Variants in ASTN2 observed in about 807,000 individuals in gnomAD.
ASTN2 encodes the protein astrotactin-2.
A neutral mutation model predicts 139.8 loss-of-function variants in ASTN2; 54 were observed. The observed-to-expected ratio is 0.39, with a 90% confidence interval of 0.31 to 0.48. ASTN2 has a LOEUF of 0.48. Among genes scored for constraint, ASTN2 ranks in the 20% least tolerant of loss-of-function variants. The pLI, the probability that ASTN2 is intolerant of heterozygous loss-of-function variation, is 0.95. For missense variants in ASTN2, 1,565 were observed against 1,725.1 expected (o/e 0.91, Z 1.64); for synonymous variants, 756 against 719.5 (o/e 1.05, Z -0.81).
intron 13 of ASTN2, among the ~76,000 whole-genome samples, chr9:116,772,351 C>G (rs1452780363): frequency 6.6e-6 from 1 of 152,184 alleles, no homozygotes; most frequent in Non-Finnish European, 1.5e-5. Flanking sequence ...TTCCCCTGCA[C>G]ACGCTCTCTT....
intron 1 of ASTN2, among the ~76,000 whole-genome samples, chr9:117,306,300 C>G (rs1321642504): frequency 2.0e-5 from 3 of 152,144 alleles, no homozygotes; most frequent in African/African-American, 4.8e-5. Flanking sequence ...TTTCCTGGGT[C>G]TCCACTTCTC....
At chr9:117,128,257 C>T (rs1327086066) in intron 4 of ASTN2, among the ~76,000 whole-genome samples, 1 of 151,308 alleles carries the variant, frequency 6.6e-6, no homozygotes, top group Non-Finnish European at 1.5e-5. Context: ...GCCTGTAGTC[C>T]CAGCTACTCA....
intron 12 of ASTN2, among the ~76,000 whole-genome samples, chr9:116,816,154 A>C (rs62575391): frequency 0.16 from 23,834 of 152,142 alleles, 2,198 homozygotes; most frequent in East Asian, 0.39. Flanking sequence ...CCTTTTAAAA[A>C]TATATTGTCT....
chr9:116,689,684 G>A (rs1168613345), intron 16 of ASTN2, among the ~76,000 whole-genome samples: 1 of 152,180 alleles, frequency 6.6e-6, no homozygotes, highest in Non-Finnish European at 1.5e-5. Context: ...TTGCCAGTGA[G>A]TATCACTGAC....
chr9:116,507,124 G>A (rs1850146654), intron 19 of ASTN2, among the ~76,000 whole-genome samples: 1 of 152,194 alleles, frequency 6.6e-6, no homozygotes. Flanking sequence ...AGCTGGCATT[G>A]TGATGCTCAT....
intron 19 of ASTN2, among the ~76,000 whole-genome samples, chr9:116,580,521 G>T (rs1160093219): frequency 2.6e-5 from 4 of 152,152 alleles, no homozygotes; most frequent in Non-Finnish European, 4.4e-5. Flanking sequence ...GTGACACCAG[G>T]CTGTGTTCTA....
At chr9:116,570,564 T>G (rs1853463847) in intron 19 of ASTN2, among the ~76,000 whole-genome samples, 1 of 152,078 alleles carries the variant, frequency 6.6e-6, no homozygotes, top group Non-Finnish European at 1.5e-5. Flanking sequence ...CCCGGCTAAT[T>G]TTTTTTGTAT....
chr9:116,606,975 A>G (rs1855240546), intron 19 of ASTN2, among the ~76,000 whole-genome samples: 1 of 152,212 alleles, frequency 6.6e-6, no homozygotes, highest in Non-Finnish European at 1.5e-5. Flanking sequence ...GTGAACTGAG[A>G]AATTTCAATT....
chr9:116,831,315 A>G (rs1831808495), intron 11 of ASTN2, among the ~76,000 whole-genome samples: 1 of 152,222 alleles, frequency 6.6e-6, no homozygotes, highest in African/African-American at 2.4e-5. Flanking sequence ...TACACAATGT[A>G]TGCATGAAAG....
intron 6 of ASTN2, among the ~76,000 whole-genome samples, chr9:117,027,604 T>C (rs1448681120): frequency 3.9e-5 from 6 of 152,092 alleles, no homozygotes; most frequent in Non-Finnish European, 5.9e-5. Flanking sequence ...TCCCTGCCCA[T>C]CCAGTTTCCT....
intron 16 of ASTN2, among the ~76,000 whole-genome samples, chr9:116,709,129 T>C (rs56042345): frequency 0.15 from 22,775 of 152,236 alleles, 1,807 homozygotes; most frequent in Middle Eastern, 0.21. Context: ...CCATTATCCC[T>C]TGGGTCTTGA....
chr9:117,070,732 C>T (rs1406774708), intron 5 of ASTN2, among the ~76,000 whole-genome samples: 2 of 150,676 alleles, frequency 1.3e-5, no homozygotes, highest in Non-Finnish European at 3.0e-5. Context: ...TTTCTCTAAA[C>T]TTCCCTTCTC....
chr9:116,999,548 C>CTTTTTTTTTTTTTTTTTTTTTTTTTTTT, intron 7 of ASTN2, among the ~76,000 whole-genome samples: 1 of 94,920 alleles, frequency 1.1e-5, no homozygotes. Flanking sequence ...TTCTCTCTTT[C>CTTTTTTTTTTTTTTTTTTTTTTTTTTTT]TTTTTTTTTT....
At chr9:117,230,942 A>G (rs1251424550) in intron 2 of ASTN2, among the ~76,000 whole-genome samples, 1 of 152,192 alleles carries the variant, frequency 6.6e-6, no homozygotes, top group African/African-American at 2.4e-5. Context: ...CCTCCCAGAT[A>G]GAGTTGATCA....
intron 5 of ASTN2, among the ~76,000 whole-genome samples, chr9:117,078,148 T>G (rs1401485345): frequency 6.6e-6 from 1 of 152,208 alleles, no homozygotes; most frequent in East Asian, 1.9e-4. Context: ...AGTCTTCTTG[T>G]ATCCAGCTAA....
chr9:116,929,696 C>A (rs946465785), intron 10 of ASTN2, among the ~76,000 whole-genome samples: 10 of 152,278 alleles, frequency 6.6e-5, no homozygotes, highest in Admixed American at 5.9e-4. Context: ...TGATAGACAG[C>A]TGCTAAAAAT....
chr9:116,759,473 TG>T (rs1829620558), intron 13 of ASTN2, among the ~76,000 whole-genome samples: 1 of 152,204 alleles, frequency 6.6e-6, no homozygotes, highest in Admixed American at 6.5e-5. Context: ...TATCAGAACC[TG>T]TGTTTTGCTG....
At chr9:117,315,036 C>T (rs1828101224) in intron 1 of ASTN2, among the ~76,000 whole-genome samples, 1 of 149,250 alleles carries the variant, frequency 6.7e-6, no homozygotes, top group Non-Finnish European at 1.5e-5. Flanking sequence ...ATAACTAATT[C>T]CTTCAAGGCA....
chr9:116,958,317 G>A (rs1835776216), intron 10 of ASTN2, among the ~76,000 whole-genome samples: 1 of 152,126 alleles, frequency 6.6e-6, no homozygotes, highest in Admixed American at 6.5e-5. Flanking sequence ...CTGGCCGGGC[G>A]TGGTGGCTCA....
Sources: gnomAD v4.1 joint callset for allele counts (sites outside exome capture counted in the v4.1 genomes callset) on GRCh38, gnomAD v4.1.1 for gene constraint, MANE v1.5 for transcripts, NCBI Gene and HGNC (gene_info 2026-07-23, HGNC 2026-07-21) for gene names.